Variants in PTPRD observed in about 807,000 individuals in gnomAD.
PTPRD encodes receptor-type tyrosine-protein phosphatase delta.
Under a neutral mutation model 214.5 loss-of-function variants are expected in PTPRD, and 34 were observed. The ratio of observed to expected loss-of-function variants is 0.16; its 90% CI spans 0.12 to 0.21. PTPRD has a LOEUF of 0.21. PTPRD is among the 10% of genes least tolerant of loss of function. The pLI, the probability that PTPRD is intolerant of heterozygous loss-of-function variation, is 1.00. For synonymous variants in PTPRD, 1,128 were observed against 845.7 expected (o/e 1.33, Z -5.79); for missense variants, 2,545 against 2,398.7 (o/e 1.06, Z -1.27).
At chr9:9,424,781 T>G (rs139624729) in intron 8 of PTPRD, among the ~76,000 whole-genome samples, 29 of 152,284 alleles carry the variant, frequency 1.9e-4, no homozygotes, top group African/African-American at 6.5e-4. Context: ...AAGTCAATAT[T>G]TTAAAATTGC....
At chr9:10,584,259 C>T (rs1479616611) in intron 2 of PTPRD, among the ~76,000 whole-genome samples, 1 of 152,028 alleles carries the variant, frequency 6.6e-6, no homozygotes, top group Non-Finnish European at 1.5e-5. Flanking sequence ...AAAGCATAAG[C>T]CTAGGAACTG....
chr9:10,360,304 G>A (rs183419028), intron 2 of PTPRD, among the ~76,000 whole-genome samples: 1 of 152,220 alleles, frequency 6.6e-6, no homozygotes, highest in Non-Finnish European at 1.5e-5. Context: ...TAAAAATTTA[G>A]AAAGGGTATT....
chr9:9,333,380 CAGAG>C (rs890637332), intron 9 of PTPRD, among the ~76,000 whole-genome samples: 5 of 150,660 alleles, frequency 3.3e-5, no homozygotes, highest in African/African-American at 1.2e-4. Flanking sequence ...GGAGTAAAGA[CAGAG>C]AGAGTATGGA....
In PTPRD at chr9:10,313,281, T is replaced by A. The variant is rs1488632196; in HGVS notation, c.-545+27682A>T. Reference sequence around the variant, plus strand: ...CTTGGACTCTTTCTCTTATGCACTATTCATATAGGTTGCTGTAGCTCATAA... The same window carrying A: ...CTTGGACTCTTTCTCTTATGCACTAATCATATAGGTTGCTGTAGCTCATAA... On this transcript the variant is annotated intron_variant, in intron 3 of 45. Coordinates refer to ENST00000381196, the MANE Select transcript of PTPRD (RefSeq NM_002839.4). Among the ~76,000 whole-genome samples, 9 of 151,818 alleles carry A rather than the reference T, an allele frequency of 5.9e-5. 1 individual carries two copies. The highest frequency in any genetic ancestry group is 4.4e-5 in the Non-Finnish European group (3 of 67,908).
At chr9:9,830,556 T>C (rs10816200) in intron 5 of PTPRD, among the ~76,000 whole-genome samples, 15,219 of 151,906 alleles carry the variant, frequency 0.1, 2,320 homozygotes, top group East Asian at 0.75. Context: ...AAATGAGAAG[T>C]AGAGTTCACT....
chr9:9,133,139 T>C (rs1470998439), intron 10 of PTPRD, among the ~76,000 whole-genome samples: 1 of 152,210 alleles, frequency 6.6e-6, no homozygotes, highest in Non-Finnish European at 1.5e-5. Context: ...TGTATTTGGC[T>C]AATCAGAACA....
intron 3 of PTPRD, among the ~76,000 whole-genome samples, chr9:10,075,046 T>G (rs1270354942): frequency 6.6e-6 from 1 of 152,158 alleles, no homozygotes; most frequent in Admixed American, 6.6e-5. Context: ...AAATTCATTC[T>G]GTGTGGATTT....
Position 9,980,812 on chromosome 9 carries a change from G to A in PTPRD, c.-471-42202C>T, listed in dbSNP as rs968837768. Among the ~76,000 whole-genome samples the A allele has an allele frequency of 3.3e-5, 5 of 151,426 alleles. No homozygotes were observed. In the East Asian group the frequency reaches 7.7e-4, roughly 23 times the overall value. On this transcript the variant is annotated intron_variant, in intron 4 of 45. Coordinates refer to ENST00000381196, the MANE Select transcript of PTPRD (RefSeq NM_002839.4). The stretch of plus-strand genomic sequence containing the variant: ...AAATTAATAGATAATTAGGCAAAGC[G>A]TATTTATAGGTAGTTCACAGAAAAG...
chr9:9,944,510 A>C (rs929071609), intron 4 of PTPRD, among the ~76,000 whole-genome samples: 1 of 152,056 alleles, frequency 6.6e-6, no homozygotes, highest in African/African-American at 2.4e-5. Flanking sequence ...AAGATTAATA[A>C]AAAGATTTTT....
chr9:8,778,012 G>C (rs191381177), intron 11 of PTPRD, among the ~76,000 whole-genome samples: 2 of 152,170 alleles, frequency 1.3e-5, no homozygotes, highest in African/African-American at 4.8e-5. Context: ...CAATGTCTAG[G>C]ATTGGTTACT....
At chr9:9,234,708 G>T (rs552712340) in intron 9 of PTPRD, among the ~76,000 whole-genome samples, 10 of 152,238 alleles carry the variant, frequency 6.6e-5, no homozygotes, top group African/African-American at 1.9e-4. Flanking sequence ...CAGTCTCTTT[G>T]CTAAAGGATA....
chr9:8,759,177 C>A lies in PTPRD; in HGVS notation c.-103-25231G>T, dbSNP rs187385463. Among the ~76,000 whole-genome samples, 17 of 152,106 alleles carry A rather than the reference C, an allele frequency of 1.1e-4. No individual in the cohort carries two copies. In the South Asian group the frequency reaches 3.5e-3, roughly 32 times the overall value. On this transcript the variant is annotated intron_variant, in intron 11 of 45. Coordinates refer to ENST00000381196, the MANE Select transcript of PTPRD (RefSeq NM_002839.4). ...TCCCAAGTAGCTAGGATGACAGACA[C>A]GTACCACCTTACTTTTTTATTTTTT...
intron 5 of PTPRD, among the ~76,000 whole-genome samples, chr9:9,873,740 TA>T (rs1336091227): frequency 2.0e-5 from 3 of 152,186 alleles, no homozygotes. Flanking sequence ...TTCTTTTAAT[TA>T]AAATATTCTT....
intron 3 of PTPRD, among the ~76,000 whole-genome samples, chr9:10,041,177 G>A (rs896521445): frequency 1.3e-5 from 2 of 151,960 alleles, no homozygotes; most frequent in Admixed American, 6.6e-5. Context: ...TATAACTATT[G>A]TAAATGATAT....
Position 8,395,898 on chromosome 9 carries a change from C to T in PTPRD, c.4211-6491G>A, listed in dbSNP as rs142335081. ...ACATGAGTTGGGGAATTACCAGCAC[C>T]TGTGATAGAGGGGCGTGCTTTTTGG... On this transcript the variant is annotated intron_variant, in intron 36 of 45. Transcript: ENST00000381196. 8.3e-4 allele frequency among the ~76,000 whole-genome samples: 127 copies of T among 152,144 alleles called. 1 individual carries two copies. Among genetic ancestry groups the T allele is most frequent in the African/African-American group, 3.0e-3 (124 of 41,512 alleles).
chr9:8,566,657 C>T (rs150450076), intron 14 of PTPRD, among the ~76,000 whole-genome samples: 286 of 152,202 alleles, frequency 1.9e-3, no homozygotes, highest in African/African-American at 6.3e-3. Context: ...TGATCCTCAG[C>T]GCCTAGCAAT....
At chr9:10,446,323 A>G (rs186232008) in intron 2 of PTPRD, among the ~76,000 whole-genome samples, 519 of 151,994 alleles carry the variant, frequency 3.4e-3, no homozygotes, top group Middle Eastern at 6.8e-3. Context: ...CTGTAGCTCC[A>G]TGGAATATTC....
chr9:9,321,556 G>GAAAAAA (rs3048028), intron 9 of PTPRD, among the ~76,000 whole-genome samples: 93,379 of 137,054 alleles, frequency 0.68, 31,958 homozygotes, highest in East Asian at 0.89. Flanking sequence ...ACTCCACTGA[G>GAAAAAA]AAAAAAAAAA....
chr9:9,684,752 G>T (rs1040840323), intron 7 of PTPRD, among the ~76,000 whole-genome samples: 4 of 150,996 alleles, frequency 2.6e-5, no homozygotes, highest in African/African-American at 9.7e-5. Flanking sequence ...TCTTAGATGG[G>T]ATTATTCGCT....
Sources: gnomAD v4.1 joint callset for allele counts (sites outside exome capture counted in the v4.1 genomes callset) on GRCh38, gnomAD v4.1.1 for gene constraint, MANE v1.5 for transcripts, NCBI Gene and HGNC (gene_info 2026-07-23, HGNC 2026-07-21) for gene names.